The following STAB2 variants were observed in gnomAD, a reference collection of about 807,000 sequenced individuals.
The protein encoded by STAB2 is stabilin-2.
A neutral mutation model predicts 338.1 loss-of-function variants in STAB2; 288 were observed. The ratio of observed to expected loss-of-function variants is 0.85; its 90% confidence interval spans 0.77 to 0.94. The LOEUF (loss-of-function observed/expected upper bound fraction) is 0.94, where lower values mean the gene tolerates loss of function less well. Among genes scored for constraint, STAB2 ranks in the 40% least tolerant of loss-of-function variants. The probability of loss-of-function intolerance (pLI) is 0.00; values close to 1 mark genes in which losing one functional copy is unlikely to be tolerated. For synonymous variants in STAB2, 1,202 were observed against 1,193.3 expected (o/e 1.01, Z -0.15); for missense variants, 3,141 against 3,210.1 (o/e 0.98, Z 0.52).
chr12:103,588,206 C>T (rs1368194983), intron 1 of STAB2, among the ~76,000 whole-genome samples: 1 of 152,162 alleles, frequency 6.6e-6, no homozygotes, highest in African/African-American at 2.4e-5. Context: ...TGCACCTGTG[C>T]CAGGCAAATT....
chr12:103,698,602 C>T (rs77791483), intron 33 of STAB2, among the ~76,000 whole-genome samples: 5,303 of 152,210 alleles, frequency 0.035, 156 homozygotes, highest in East Asian at 0.12. Context: ...ATCGGTCCCA[C>T]GCAGCAACAA....
At chr12:103,635,603 ACTCCT>A (rs1347940777) in intron 6 of STAB2, among the ~76,000 whole-genome samples, 3 of 152,090 alleles carry the variant, frequency 2.0e-5, no homozygotes, top group Middle Eastern at 3.4e-3. Flanking sequence ...GCTGTTCGGT[ACTCCT>A]CTCCTCAGCC....
rs112126713 is a variant in STAB2, at chr12:103,688,954, C to T, written c.3045+739C>T. 6.1e-3 allele frequency among the ~76,000 whole-genome samples: 929 copies of T among 152,228 alleles called. 3 individuals are homozygous for T. Among genetic ancestry groups the T allele is most frequent in the African/African-American group, 0.021 (884 of 41,524 alleles). ...TCATTTTGGTATCTTGAAATCAGCCCTGGTGGGAGTATTTACGCCATAGAA... is the reference window on the plus strand; with the variant it reads ...TCATTTTGGTATCTTGAAATCAGCCTTGGTGGGAGTATTTACGCCATAGAA... On this transcript the variant is annotated intron_variant, in intron 28 of 68. Coordinates refer to ENST00000388887, the MANE Select transcript of STAB2 (RefSeq NM_017564.10).
chr12:103,665,318 A>ATAACAT (rs1874982448), intron 18 of STAB2, among the ~76,000 whole-genome samples: 1 of 152,198 alleles, frequency 6.6e-6, no homozygotes, highest in Non-Finnish European at 1.5e-5. Flanking sequence ...TGGATTTTAG[A>ATAACAT]GGTTTAATAA....
intron 12 of STAB2, among the ~76,000 whole-genome samples, chr12:103,653,662 GGATGGATGGATGGATA>G (rs1341817050): frequency 4.9e-5 from 7 of 143,122 alleles, no homozygotes; most frequent in Non-Finnish European, 9.0e-5. Context: ...GTCACTGGAT[GGATGGATGGATGGATA>G]GATACATGGA....
intron 5 of STAB2, among the ~76,000 whole-genome samples, chr12:103,626,535 A>G (rs1413105489): frequency 6.6e-6 from 1 of 152,238 alleles, no homozygotes. Flanking sequence ...CAAGCACTCA[A>G]TCAATGGAAG....
In STAB2 at chr12:103,654,457, A is replaced by G. The variant is rs1874021379; in HGVS notation, c.1408-98A>G. 4 of 1,301,530 alleles carry G rather than the reference A, an allele frequency of 3.1e-6. No homozygotes were observed. In the Admixed American group the frequency reaches 8.6e-5, roughly 28 times the overall value. 80.6% of individuals were successfully genotyped at this position (1,301,530 alleles called of 1,614,324 possible). A position where few individuals can be genotyped will look rare whatever the true frequency, so the allele number is the denominator to read the frequency against. ...ATCCAAAATCACATTGCCAATAAATATCAAAGCCCAAGGACTCAAGACTTC... is the reference window on the plus strand; with the variant it reads ...ATCCAAAATCACATTGCCAATAAATGTCAAAGCCCAAGGACTCAAGACTTC... On this transcript the variant is annotated intron_variant, in intron 12 of 68. Coordinates refer to ENST00000388887, the MANE Select transcript of STAB2 (RefSeq NM_017564.10).
intron 55 of STAB2, 24 bp from the exon 56 acceptor site, chr12:103,742,381 T>C: frequency 6.2e-7 from 1 of 1,612,320 alleles, no homozygotes; most frequent in Non-Finnish European, 8.5e-7. Context: ...GACTGTTGAG[T>C]CACTGCTGTT....
chr12:103,594,358 C>T (rs1351721631), intron 2 of STAB2, 37 bp from the exon 3 acceptor site: 19 of 1,524,166 alleles, frequency 1.2e-5, no homozygotes, highest in African/African-American at 4.1e-5. Context: ...CTGCATTGCT[C>T]TTATCGTGGG....
intron 5 of STAB2, 107 bp downstream of exon 5, chr12:103,622,218 A>G: frequency 8.3e-7 from 1 of 1,197,662 alleles, no homozygotes; most frequent in Non-Finnish European, 1.2e-6. Context: ...GATAAAAAAG[A>G]AATTTCAGCA....
rs1383878115 is a variant in STAB2, at chr12:103,753,205, C to G, written c.6581-15C>G. 6.2e-7 allele frequency: 1 copy of G among 1,613,746 alleles called. No homozygotes were observed. Among genetic ancestry groups the G allele is most frequent in the Non-Finnish European group, 8.5e-7 (1 of 1,179,680 alleles). On this transcript the variant is annotated splice_polypyrimidine_tract_variant and intron_variant, in intron 60 of 68. Coordinates refer to ENST00000388887, the MANE Select transcript of STAB2 (RefSeq NM_017564.10). ...GGTGGGCTGACCTGGGCGATTCCTC[C>G]TCTTCCTCATCCAGATACCACTGTT...
At chr12:103,668,921 G>T in intron 20 of STAB2, 192 bp downstream of exon 20, 1 of 564,542 alleles carries the variant, frequency 1.8e-6, no homozygotes, top group Non-Finnish European at 3.1e-6. Flanking sequence ...AGCCTCCCAT[G>T]GTTCCCTACC....
At position 103,724,981 on chromosome 12, in the gene STAB2, G is replaced by C; in HGVS notation, c.4690G>C (p.Gly1564Arg). The C allele has an allele frequency of 6.2e-7, 1 of 1,613,530 alleles. No individual in the cohort carries two copies. The highest frequency in any genetic ancestry group is 8.5e-7 in the Non-Finnish European group (1 of 1,179,480). Residue 1564 changes from glycine to arginine, a missense_variant, in exon 45 of 69, where the codon GGC becomes CGC. By Grantham distance (125) the Gly-to-Arg change is moderately radical (BLOSUM62 -2). Coordinates refer to ENST00000388887, the MANE Select transcript of STAB2 (RefSeq NM_017564.10). ...CCCTTGGCAATTTTACCAGAAAAAT[G>C]GCGGCTGTAGTGAATTTGCCATCTG... ...TLINVCLTKN[G>R]GCSEFAICNH...
intron 45 of STAB2, among the ~76,000 whole-genome samples, chr12:103,725,666 A>G (rs1435925978): frequency 6.6e-6 from 1 of 152,078 alleles, no homozygotes; most frequent in Non-Finnish European, 1.5e-5. Flanking sequence ...GTGTGTGTGC[A>G]TGTGTGTGTG....
At chr12:103,761,526 A>AAGAGGGAGGAGGACAGG in intron 66 of STAB2, 116 bp downstream of exon 66, 2 of 846,606 alleles carry the variant, frequency 2.4e-6, no homozygotes, top group Non-Finnish European at 3.6e-6. Flanking sequence ...AGACTGGAGG[A>AAGAGGGAGGAGGACAGG]GCCTCCAGCC....
rs1326653269 is a variant in STAB2, at chr12:103,755,295, C to T, written c.6715-7C>T. On this transcript the variant is annotated splice_polypyrimidine_tract_variant and splice_region_variant and intron_variant, in intron 61 of 68. Transcript: ENST00000388887. ...GCTGACCCATGGCCCTGTCTGTATC[C>T]CTGCAGGCCAAGTACCACCTGTGCT... 6.2e-7 allele frequency: 1 copy of T among 1,613,264 alleles called. No individual in the cohort carries two copies. Among genetic ancestry groups the T allele is most frequent in the Non-Finnish European group, 8.5e-7 (1 of 1,179,834 alleles).
Position 103,742,401 on chromosome 12 carries a change from C to A in STAB2, c.5882-4C>A. On this transcript the variant is annotated splice_polypyrimidine_tract_variant and splice_region_variant and intron_variant, in intron 55 of 68. Transcript: ENST00000388887. ...TTGAGTCACTGCTGTTTCATCTCTT[C>A]CAGCCTGCCCTGGAGGACCAGATGC... 6.2e-7 allele frequency: 1 copy of A among 1,613,908 alleles called. No homozygotes were observed. The highest frequency in any genetic ancestry group is 8.5e-7 in the Non-Finnish European group (1 of 1,179,864).
Position 103,746,589 on chromosome 12 carries a change from CTTTGCAGT to C in STAB2, c.6137-2_6142del. ...GGTACAGAATGAAAGTGGCCCCTTT[CTTTGCAGT>C]TTTGCCTGCAGTGTGTACGCCTCCT... On this transcript the variant is annotated splice_acceptor_variant and splice_polypyrimidine_tract_variant and coding_sequence_variant and intron_variant, in exon 58 of 69. Coordinates refer to ENST00000388887, the MANE Select transcript of STAB2 (RefSeq NM_017564.10). LOFTEE classifies it high-confidence loss of function. 6.2e-7 allele frequency: 1 copy of C among 1,613,810 alleles called. No homozygotes were observed. The highest frequency in any genetic ancestry group is 8.5e-7 in the Non-Finnish European group (1 of 1,179,750).
chr12:103,651,592 G>A lies in STAB2; in HGVS notation c.1258-964G>A, dbSNP rs1234791940. ...CTCCCAAAGTGCTGAGATTATAGGCGTGAGCCACTGCACCTGGCCCAGATC... is the reference window on the plus strand; with the variant it reads ...CTCCCAAAGTGCTGAGATTATAGGCATGAGCCACTGCACCTGGCCCAGATC... On this transcript the variant is annotated intron_variant, in intron 11 of 68. Coordinates refer to ENST00000388887, the MANE Select transcript of STAB2 (RefSeq NM_017564.10). Among the ~76,000 whole-genome samples the A allele has an allele frequency of 5.9e-5, 9 of 151,740 alleles. No individual in the cohort carries two copies. The East Asian group carries it at 7.7e-4, about 13-fold the overall frequency.
Sources: gnomAD v4.1 joint callset for allele counts (sites outside exome capture counted in the v4.1 genomes callset) on GRCh38, gnomAD v4.1.1 for gene constraint, MANE v1.5 for transcripts, NCBI Gene and HGNC (gene_info 2026-07-23, HGNC 2026-07-21) for gene names.